COL23A1: variants seen among roughly 807,000 people sequenced by gnomAD.
COL23A1 encodes collagen type XXIII alpha 1 chain.
COL23A1 carries 97 observed loss-of-function variants against 99.3 expected under a neutral mutation model. That is an observed-to-expected ratio of 0.98 (90% CI 0.83 to 1.16). The LOEUF (loss-of-function observed/expected upper bound fraction) is 1.16, where lower values mean the gene tolerates loss of function less well. Ranked by LOEUF, COL23A1 falls within the 50% of genes most tolerant of loss-of-function variation. The probability of loss-of-function intolerance (pLI) is 0.00; values close to 1 mark genes in which losing one functional copy is unlikely to be tolerated. For synonymous variants in COL23A1, 320 were observed against 308.2 expected, an observed-to-expected ratio of 1.04 and a Z score of -0.40; for missense variants, 762 against 757.4, an observed-to-expected ratio of 1.01 and a Z score of -0.07.
At chr5:178,361,277 G>C (rs868443948) in intron 2 of COL23A1, among the ~76,000 whole-genome samples, 2 of 152,188 alleles carry the variant, frequency 1.3e-5, no homozygotes, top group Non-Finnish European at 2.9e-5. Context: ...GTGTTAAAGA[G>C]GCACTAGGGA....
chr5:178,352,470 C>G (rs1761385652), intron 2 of COL23A1, among the ~76,000 whole-genome samples: 1 of 152,214 alleles, frequency 6.6e-6, no homozygotes, highest in East Asian at 1.9e-4. Flanking sequence ...GTGTTTAGAG[C>G]AACTGCGCTT....
intron 2 of COL23A1, among the ~76,000 whole-genome samples, chr5:178,531,512 C>G (rs532343067): frequency 1.4e-4 from 22 of 152,296 alleles, no homozygotes; most frequent in African/African-American, 5.3e-4. Flanking sequence ...TCCTGAAACA[C>G]CCCTGAGCAG....
Position 178,252,530 on chromosome 5 carries a change from G to A in COL23A1, c.1014+14C>T. The A allele has an allele frequency of 4.4e-6, 7 of 1,608,360 alleles. No homozygotes were observed. The highest frequency in any genetic ancestry group is 5.9e-6 in the Non-Finnish European group (7 of 1,177,154). ...CAAATGCTTGGGGGACCACATAGCT[G>A]CATCTGCACTGACCTTGGCTCCAGG... On this transcript the variant is annotated intron_variant, in intron 17 of 28. Transcript: ENST00000390654.
At chr5:178,300,080 T>C (rs1757949558) in intron 3 of COL23A1, among the ~76,000 whole-genome samples, 1 of 143,936 alleles carries the variant, frequency 6.9e-6, no homozygotes. Flanking sequence ...TTTCTTTTTT[T>C]TTTGAGACGG....
chr5:178,520,314 T>C (rs1015308705), intron 2 of COL23A1, among the ~76,000 whole-genome samples: 9 of 152,038 alleles, frequency 5.9e-5, no homozygotes, highest in African/African-American at 2.2e-4. Context: ...AGTCATTGGT[T>C]CCCCAACTGT....
At chr5:178,314,730 C>G (rs1758887458) in intron 2 of COL23A1, among the ~76,000 whole-genome samples, 3 of 152,198 alleles carry the variant, frequency 2.0e-5, no homozygotes, top group Non-Finnish European at 4.4e-5. Flanking sequence ...CTCACATATT[C>G]CTGACCTCAA....
chr5:178,467,231 C>T (rs1287805436), intron 2 of COL23A1, among the ~76,000 whole-genome samples: 1 of 152,218 alleles, frequency 6.6e-6, no homozygotes, highest in African/African-American at 2.4e-5. Context: ...GGAACTTCTG[C>T]TGCCTGAACC....
intron 2 of COL23A1, among the ~76,000 whole-genome samples, chr5:178,319,265 T>C (rs1759152536): frequency 6.6e-6 from 1 of 152,178 alleles, no homozygotes; most frequent in Admixed American, 6.5e-5. Flanking sequence ...GAGAGGCGCA[T>C]GTAAACCAGC....
chr5:178,556,522 C>T (rs964985894), intron 2 of COL23A1, among the ~76,000 whole-genome samples: 2 of 151,712 alleles, frequency 1.3e-5, no homozygotes, highest in African/African-American at 4.8e-5. Context: ...ACTTGGGAGG[C>T]TGAGGCAGGA....
At chr5:178,378,283 G>C (rs576523709) in intron 2 of COL23A1, 1 of 152,296 alleles carries the variant, frequency 6.6e-6, no homozygotes, top group East Asian at 1.9e-4. Flanking sequence ...ACAGAGCCCT[G>C]GGAAAATGCA....
chr5:178,403,115 A>AAAAAAAAC (rs1764545656), intron 2 of COL23A1, among the ~76,000 whole-genome samples: 1 of 133,106 alleles, frequency 7.5e-6, no homozygotes, highest in Admixed American at 7.5e-5. Context: ...TCTCAAAAAA[A>AAAAAAAAC]AAAAAAATAA....
chr5:178,269,729 C>T (rs1756173864), intron 6 of COL23A1, among the ~76,000 whole-genome samples: 2 of 151,474 alleles, frequency 1.3e-5, no homozygotes, highest in South Asian at 4.2e-4. Flanking sequence ...ATCCATCCAT[C>T]CACCCACCTA....
intron 26 of COL23A1, 22 bp downstream of exon 26, chr5:178,242,319 G>A (rs1313333983): frequency 1.2e-5 from 19 of 1,612,166 alleles, no homozygotes; most frequent in Non-Finnish European, 1.4e-5. Context: ...TCCTGCCCCA[G>A]CTCCCGTCCA....
At position 178,258,236 on chromosome 5, in the gene COL23A1, A is replaced by AATATATATATATATATATATATATATAT. The variant is rs70994992; in HGVS notation, c.730-670_730-669insATATATATATATATATATATATATATAT. 3.1e-4 allele frequency among the ~76,000 whole-genome samples: 22 copies of AATATATATATATATATATATATATATAT among 71,936 alleles called. 1 individual carries two copies. The highest frequency in any genetic ancestry group is 1.0e-3 in the African/African-American group (20 of 19,858). 47.2% of individuals were successfully genotyped at this position (71,936 alleles called of 152,430 possible). A position where few individuals can be genotyped will look rare whatever the true frequency, so the allele number is the denominator to read the frequency against. The stretch of plus-strand genomic sequence containing the variant: ...GTGACAGAGTGAGATCCTGTCTTAA[A>AATATATATATATATATATATATATATAT]ATATATATATATATATATATATATA... On this transcript the variant is annotated intron_variant, in intron 12 of 28. Coordinates refer to ENST00000390654, the MANE Select transcript of COL23A1 (RefSeq NM_173465.4).
intron 2 of COL23A1, among the ~76,000 whole-genome samples, chr5:178,373,770 A>G (rs1240313072): frequency 6.6e-6 from 1 of 152,192 alleles, no homozygotes; most frequent in African/African-American, 2.4e-5. Context: ...AGTTGCTGGC[A>G]TAATCCTGAC....
chr5:178,382,598 C>T lies in COL23A1; in HGVS notation c.362-75679G>A, dbSNP rs542053567. On this transcript the variant is annotated intron_variant, in intron 2 of 28. Transcript: ENST00000390654. ...GGGGGGTGAGGAGGGCAGCCCAGCA[C>T]CAAAGGTGGGTGGAGAAACTGTGTC... 1.9e-3 allele frequency among the ~76,000 whole-genome samples: 287 copies of T among 152,164 alleles called. 2 individuals are homozygous for T. Among genetic ancestry groups the T allele is most frequent in the Middle Eastern group, 0.01 (3 of 294 alleles).
At chr5:178,467,646 C>T (rs980120930) in intron 2 of COL23A1, among the ~76,000 whole-genome samples, 1 of 152,186 alleles carries the variant, frequency 6.6e-6, no homozygotes, top group African/African-American at 2.4e-5. Flanking sequence ...GCCAAATCCC[C>T]ACCCCACGGC....
At chr5:178,452,136 G>A (rs1317769293) in intron 2 of COL23A1, among the ~76,000 whole-genome samples, 1 of 152,116 alleles carries the variant, frequency 6.6e-6, no homozygotes, top group African/African-American at 2.4e-5. Flanking sequence ...GTAATTAAAA[G>A]GGTGACATTG....
chr5:178,259,875 C>T, intron 11 of COL23A1, 128 bp from the exon 12 acceptor site: 1 of 762,338 alleles, frequency 1.3e-6, no homozygotes, highest in Non-Finnish European at 2.1e-6. Context: ...CCCAGAGACC[C>T]CTGAATGCTT....
Sources: gnomAD v4.1 joint callset for allele counts (sites outside exome capture counted in the v4.1 genomes callset) on GRCh38, gnomAD v4.1.1 for gene constraint, MANE v1.5 for transcripts, NCBI Gene and HGNC (gene_info 2026-07-23, HGNC 2026-07-21) for gene names.